Variants in SDC4 observed in about 807,000 individuals in gnomAD.
SDC4 encodes syndecan 4, also known as syndecan-4.
A neutral mutation model predicts 20.5 loss-of-function variants in SDC4; 17 were observed. That is an observed-to-expected ratio of 0.83 (90% confidence interval 0.57 to 1.25). The LOEUF (loss-of-function observed/expected upper bound fraction) is 1.25. SDC4 is among the 50% of genes most tolerant of loss of function. SDC4 has a pLI of 0.00. For synonymous variants in SDC4, 107 were observed against 105.3 expected, an observed-to-expected ratio of 1.02 and a Z score of -0.10; for missense variants, 241 against 252.3, an observed-to-expected ratio of 0.96 and a Z score of 0.30.
chr20:45,335,618 G>A (rs1297305751), intron 2 of SDC4, among the ~76,000 whole-genome samples, 164 bp downstream of exon 2: 1 of 152,084 alleles, frequency 6.6e-6, no homozygotes, highest in Non-Finnish European at 1.5e-5. Flanking sequence ...GATGGAATAG[G>A]TTAATCCATT....
At chr20:45,332,160 C>CTT (rs60632364) in intron 3 of SDC4, among the ~76,000 whole-genome samples, 3 of 140,118 alleles carry the variant, frequency 2.1e-5, no homozygotes, top group African/African-American at 7.9e-5. Flanking sequence ...TATATATATA[C>CTT]TTTTTTTTTT....
At chr20:45,328,117 CT>C (rs1568903209) in intron 4 of SDC4, among the ~76,000 whole-genome samples, 2 of 152,226 alleles carry the variant, frequency 1.3e-5, no homozygotes, top group Non-Finnish European at 2.9e-5. Context: ...CTCTCTAGCT[CT>C]CCCTGTGTGC....
intron 1 of SDC4, among the ~76,000 whole-genome samples, chr20:45,341,426 A>G (rs1271526558): frequency 6.6e-6 from 1 of 152,264 alleles, no homozygotes; most frequent in Admixed American, 6.5e-5. Flanking sequence ...GCCCAAGGTC[A>G]CACAGCTTTG....
At chr20:45,328,264 T>C (rs527687232) in intron 4 of SDC4, among the ~76,000 whole-genome samples, 55 of 152,330 alleles carry the variant, frequency 3.6e-4, no homozygotes, top group African/African-American at 1.3e-3. Context: ...TTTCCACTCC[T>C]ACCTCTCCTA....
At chr20:45,336,013 A>G in intron 1 of SDC4, 93 bp from the exon 2 acceptor site, 3 of 1,424,420 alleles carry the variant, frequency 2.1e-6, no homozygotes, top group Non-Finnish European at 2.9e-6. Context: ...TTCAGAAACT[A>G]GAAAGAGACC....
chr20:45,336,548 C>T (rs1250243596), intron 1 of SDC4, among the ~76,000 whole-genome samples: 2 of 152,154 alleles, frequency 1.3e-5, no homozygotes, highest in African/African-American at 4.8e-5. Context: ...TTTTTACAGC[C>T]GAGGGAGTCA....
intron 1 of SDC4, among the ~76,000 whole-genome samples, chr20:45,337,765 G>C (rs1215134750): frequency 1.3e-5 from 2 of 152,242 alleles, no homozygotes; most frequent in African/African-American, 4.8e-5. Context: ...CCCCCACAGA[G>C]GGAGAATGCT....
chr20:45,336,409 G>A (rs112215285), intron 1 of SDC4, among the ~76,000 whole-genome samples: 7,422 of 152,108 alleles, frequency 0.049, 590 homozygotes, highest in African/African-American at 0.17. Flanking sequence ...TGGGACCCCC[G>A]TCTCAAAAAA....
rs202098356 is a variant in SDC4 at position 45,330,456 on chromosome 20, C to A, written c.355G>T (p.Val119Phe). ...NEVIPKRISP[V>F]EESEDVSNKV... ...TTGGACACATCCTCACTCTCTTCAA[C>A]GGGTGAGATTCTCTTGGGGATAACC... is the stretch of plus-strand genomic sequence containing the variant. The change falls in exon 4 of 5, where the codon GTT (valine) becomes TTT (phenylalanine). Residue 119 changes from valine (V) to phenylalanine (F), a missense_variant. Transcript: ENST00000372733. The A allele has an allele frequency of 6.2e-7, 1 of 1,614,126 alleles. No homozygotes were observed. The highest frequency in any genetic ancestry group is 1.3e-5 in the African/African-American group (1 of 75,048).
At chr20:45,334,498 A>AT (rs1025900365) in intron 2 of SDC4, among the ~76,000 whole-genome samples, 1 of 151,462 alleles carries the variant, frequency 6.6e-6, no homozygotes, top group African/African-American at 2.4e-5. Context: ...TTTTATTTTT[A>AT]TTTTTTTTCA....
rs1460041536 is a variant in SDC4 at position 45,326,437 on chromosome 20, C to A, written c.*827G>T. The A allele has an allele frequency of 4.7e-5, 7 of 149,396 alleles. No homozygotes were observed. The highest frequency in any genetic ancestry group is 7.4e-5 in the Non-Finnish European group (5 of 67,408). 9.3% of individuals were successfully genotyped at this position (149,396 alleles called of 1,614,324 possible). The stretch of plus-strand genomic sequence containing the variant: ...TAAAAATCATCTCTCCGGCTCTTCT[C>A]TCATTTTCAAGAAACAAACAAAAAC... On this transcript the variant is annotated 3_prime_UTR_variant, in exon 5 of 5. Coordinates refer to ENST00000372733, the MANE Select transcript of SDC4 (RefSeq NM_002999.4).
At chr20:45,330,610 A>C (rs763489003) in intron 3 of SDC4, 46 bp from the exon 4 acceptor site, 4 of 1,557,880 alleles carry the variant, frequency 2.6e-6, no homozygotes, top group Non-Finnish European at 3.5e-6. Context: ...ATTTTGGAAG[A>C]GACTCAGGGC....
chr20:45,341,512 C>T (rs1183714637), intron 1 of SDC4, among the ~76,000 whole-genome samples: 1 of 152,142 alleles, frequency 6.6e-6, no homozygotes, highest in South Asian at 2.1e-4. Context: ...TGACCAGAAA[C>T]ACCTGAAATT....
chr20:45,343,517 TC>T (rs1695800497), intron 1 of SDC4, among the ~76,000 whole-genome samples: 1 of 152,070 alleles, frequency 6.6e-6, no homozygotes, highest in Admixed American at 6.5e-5. Flanking sequence ...CTCCAGCAAA[TC>T]CCAGCAGGAG....
At chr20:45,335,650 G>A (rs1368385955) in intron 2 of SDC4, 132 bp downstream of exon 2, 15 of 920,878 alleles carry the variant, frequency 1.6e-5, no homozygotes, top group Non-Finnish European at 2.1e-5. Context: ...CCCTTTTTTT[G>A]AGAAGGAAGA....
At chr20:45,333,962 G>T (rs1443199897) in intron 2 of SDC4, among the ~76,000 whole-genome samples, 5 of 134,078 alleles carry the variant, frequency 3.7e-5, no homozygotes, top group Non-Finnish European at 8.2e-5. Flanking sequence ...AAAAGAAGAA[G>T]AAATGTAGAA....
chr20:45,329,375 C>T (rs1157158562), intron 4 of SDC4, among the ~76,000 whole-genome samples: 1 of 152,170 alleles, frequency 6.6e-6, no homozygotes, highest in Non-Finnish European at 1.5e-5. Flanking sequence ...AGCAATAGCA[C>T]CTTTAGTTAA....
intron 1 of SDC4, among the ~76,000 whole-genome samples, chr20:45,337,060 AAAAG>A (rs750554284): frequency 6.6e-6 from 1 of 152,252 alleles, no homozygotes; most frequent in Non-Finnish European, 1.5e-5. Flanking sequence ...ACCGCTTGCC[AAAAG>A]AAAGTGTCAA....
Position 45,327,386 on chromosome 20 carries a change from G to T in SDC4, c.475C>A (p.Leu159Ile). Reference protein sequence around the residue: ...ALIVGGIVGILFAVFLILLLM... With the variant: ...ALIVGGIVGIIFAVFLILLLM... ...AGTAGGATCAGGAAGACGGCAAAGA[G>T]GATGCCCACGATGCCACCCACAATC... is the stretch of plus-strand genomic sequence containing the variant. The change falls in exon 5 of 5, where the codon CTC becomes ATC. Residue 159 changes from leucine to isoleucine, a missense_variant. By Grantham distance (5) the Leu-to-Ile change is conservative (BLOSUM62 2). Coordinates refer to ENST00000372733, the MANE Select transcript of SDC4 (RefSeq NM_002999.4). 6.2e-7 allele frequency: 1 copy of T among 1,613,960 alleles called. No individual in the cohort carries two copies. The highest frequency in any genetic ancestry group is 8.5e-7 in the Non-Finnish European group (1 of 1,179,872).
Sources: gnomAD v4.1 joint callset for allele counts (sites outside exome capture counted in the v4.1 genomes callset) on GRCh38, gnomAD v4.1.1 for gene constraint, MANE v1.5 for transcripts, NCBI Gene and HGNC (gene_info 2026-07-23, HGNC 2026-07-21) for gene names.